ITPR2: variants seen among roughly 807,000 people sequenced by gnomAD.
ITPR2 encodes inositol 1,4,5-trisphosphate receptor type 2, also known as inositol 1,4,5-trisphosphate-gated calcium channel ITPR2.
Under a neutral mutation model 317.1 loss-of-function variants are expected in ITPR2, and 207 were observed. That is an observed-to-expected ratio of 0.65 (90% confidence interval 0.58 to 0.73). ITPR2 has a LOEUF of 0.73. ITPR2 is among the 30% of genes least tolerant of loss of function. The pLI is 0.00. For synonymous variants in ITPR2, 1,156 were observed against 1,149.1 expected (o/e 1.01, Z -0.12); for missense variants, 2,613 against 3,284.0 (o/e 0.80, Z 4.99).
intron 34 of ITPR2, among the ~76,000 whole-genome samples, chr12:26,570,394 G>C (rs1488964275): frequency 6.6e-6 from 1 of 152,014 alleles, no homozygotes; most frequent in Non-Finnish European, 1.5e-5. Flanking sequence ...TAATAATTGA[G>C]TTTTTAAAAA....
At chr12:26,768,911 C>T (rs1949790209) in intron 2 of ITPR2, among the ~76,000 whole-genome samples, 1 of 151,920 alleles carries the variant, frequency 6.6e-6, no homozygotes, top group Middle Eastern at 3.4e-3. Flanking sequence ...ATAGGACACT[C>T]TCTAGATAAG....
At chr12:26,446,917 T>C (rs548545852) in intron 45 of ITPR2, among the ~76,000 whole-genome samples, 80 of 152,174 alleles carry the variant, frequency 5.3e-4, no homozygotes, top group Non-Finnish European at 6.8e-4. Flanking sequence ...CCTGGAAATC[T>C]TTCATATTCT....
intron 37 of ITPR2, among the ~76,000 whole-genome samples, chr12:26,534,810 T>C (rs1204794865): frequency 6.6e-6 from 1 of 152,232 alleles, no homozygotes; most frequent in African/African-American, 2.4e-5. Context: ...AATCAAACAG[T>C]CTTTCAAAAT....
chr12:26,442,351 T>A (rs753988565), intron 46 of ITPR2, among the ~76,000 whole-genome samples: 1 of 152,198 alleles, frequency 6.6e-6, no homozygotes, highest in African/African-American at 2.4e-5. Context: ...ATCTTCTATA[T>A]GTGTGAATTG....
At position 26,777,857 on chromosome 12, in the gene ITPR2, A is replaced by T. The variant is rs543032495; in HGVS notation, c.163+12300T>A. The stretch of plus-strand genomic sequence containing the variant: ...CTTTCTCCCATCCTTCCCCAAGGAG[A>T]CCTTTGGCCTTTTACCTGGGTAACT... On this transcript the variant is annotated intron_variant, in intron 2 of 56. Transcript: ENST00000381340. Among the ~76,000 whole-genome samples, 5 of 152,216 alleles carry T rather than the reference A, an allele frequency of 3.3e-5. No homozygotes were observed. In the East Asian group the frequency reaches 9.7e-4, roughly 29 times the overall value.
chr12:26,575,354 T>C (rs938874830), intron 34 of ITPR2, among the ~76,000 whole-genome samples: 8 of 151,768 alleles, frequency 5.3e-5, no homozygotes, highest in Admixed American at 2.0e-4. Flanking sequence ...GGAGATAACA[T>C]TAATTTCCTG....
chr12:26,485,312 T>C (rs1274751978), intron 41 of ITPR2, among the ~76,000 whole-genome samples: 1 of 152,222 alleles, frequency 6.6e-6, no homozygotes, highest in African/African-American at 2.4e-5. Context: ...ACTTTAAAAG[T>C]AGTATTTTCT....
chr12:26,816,752 C>G (rs537675498), intron 1 of ITPR2, among the ~76,000 whole-genome samples: 1 of 152,192 alleles, frequency 6.6e-6, no homozygotes, highest in South Asian at 2.1e-4. Flanking sequence ...CTCACATAGT[C>G]TGGGAGATCA....
chr12:26,620,807 C>G (rs1420331946), intron 26 of ITPR2, among the ~76,000 whole-genome samples: 2 of 152,152 alleles, frequency 1.3e-5, no homozygotes, highest in Admixed American at 1.3e-4. Flanking sequence ...CCCTACAGGT[C>G]TCAGTTTAGG....
At chr12:26,403,118 T>C (rs141298262) in intron 52 of ITPR2, among the ~76,000 whole-genome samples, 2,435 of 152,208 alleles carry the variant, frequency 0.016, 59 homozygotes, top group African/African-American at 0.053. Flanking sequence ...AGGGTCATGA[T>C]TGGCCAGTAA....
At chr12:26,560,515 C>T (rs1049279736) in intron 35 of ITPR2, among the ~76,000 whole-genome samples, 2 of 152,144 alleles carry the variant, frequency 1.3e-5, no homozygotes, top group Non-Finnish European at 2.9e-5. Context: ...TCATCGGGGC[C>T]TCTTAAACTC....
chr12:26,662,078 C>T (rs1046446112), intron 15 of ITPR2, among the ~76,000 whole-genome samples: 3 of 152,134 alleles, frequency 2.0e-5, no homozygotes, highest in Admixed American at 6.5e-5. Flanking sequence ...TACTCCTATT[C>T]CTTGCCATAT....
At chr12:26,654,868 C>CCCTA (rs1408837289) in intron 20 of ITPR2, among the ~76,000 whole-genome samples, 1 of 152,190 alleles carries the variant, frequency 6.6e-6, no homozygotes, top group Non-Finnish European at 1.5e-5. Flanking sequence ...GACTGTCCAG[C>CCCTA]CCTAGATGGC....
intron 31 of ITPR2, 98 bp from the exon 32 acceptor site, chr12:26,595,688 T>C (rs879541275): frequency 1.8e-5 from 17 of 966,124 alleles, no homozygotes; most frequent in Non-Finnish European, 2.4e-5. Flanking sequence ...TTAGTTTTTA[T>C]GGTAGATCAT....
At chr12:26,653,202 T>TCTGG (rs1947294369) in intron 21 of ITPR2, among the ~76,000 whole-genome samples, 1 of 151,716 alleles carries the variant, frequency 6.6e-6, no homozygotes, top group Non-Finnish European at 1.5e-5. Context: ...TCACTCCTTC[T>TCTGG]CTGGCGTGAT....
At chr12:26,363,174 G>A (rs1938894278) in intron 55 of ITPR2, among the ~76,000 whole-genome samples, 1 of 152,172 alleles carries the variant, frequency 6.6e-6, no homozygotes, top group Non-Finnish European at 1.5e-5. Flanking sequence ...GGTGGTATTA[G>A]ATTCTCATAG....
At chr12:26,591,949 C>T (rs1945720579) in intron 32 of ITPR2, among the ~76,000 whole-genome samples, 1 of 152,194 alleles carries the variant, frequency 6.6e-6, no homozygotes, top group African/African-American at 2.4e-5. Context: ...TCTGCACTCC[C>T]ATGTTTGTTG....
chr12:26,763,091 A>G (rs1949664215), intron 2 of ITPR2, among the ~76,000 whole-genome samples: 1 of 152,122 alleles, frequency 6.6e-6, no homozygotes, highest in Non-Finnish European at 1.5e-5. Flanking sequence ...TTATACTTTA[A>G]AATATCTAAG....
chr12:26,643,276 T>C (rs894942105), intron 21 of ITPR2, among the ~76,000 whole-genome samples: 2 of 152,232 alleles, frequency 1.3e-5, no homozygotes, highest in African/African-American at 4.8e-5. Flanking sequence ...GTTGCTGTTG[T>C]TATAGCAGTC....
Sources: allele counts gnomAD v4.1 joint callset (sites outside exome capture counted in the v4.1 genomes callset), GRCh38; gene constraint gnomAD v4.1.1; transcripts MANE v1.5; gene names NCBI Gene and HGNC (gene_info 2026-07-23, HGNC 2026-07-21).